The following ZFHX3 variants were observed in gnomAD, a reference collection of about 807,000 sequenced individuals.
The protein encoded by ZFHX3 is zinc finger homeobox 3, also known as zinc finger homeobox protein 3.
In ZFHX3, 42 loss-of-function variants were observed where a neutral mutation model predicts 279.1. The ratio of observed to expected loss-of-function variants is 0.15; its 90% CI spans 0.12 to 0.19. The LOEUF is 0.19. Ranked by LOEUF, ZFHX3 falls within the 10% of genes least tolerant of loss-of-function variation. The pLI, the probability that ZFHX3 is intolerant of heterozygous loss-of-function variation, is 1.00. For synonymous variants in ZFHX3, 2,293 were observed against 1,957.8 expected (o/e 1.17, Z -4.52); for missense variants, 4,981 against 4,754.0 (o/e 1.05, Z -1.40).
At chr16:73,252,431 T>C (rs1427690414) in intron 5 of ZFHX3, among the ~76,000 whole-genome samples, 1 of 152,134 alleles carries the variant, frequency 6.6e-6, no homozygotes. Flanking sequence ...TCAAGTTGAC[T>C]GCAAGAGTTT....
intron 3 of ZFHX3, among the ~76,000 whole-genome samples, chr16:73,449,993 T>C (rs1221968688): frequency 1.3e-5 from 2 of 152,224 alleles, no homozygotes; most frequent in African/African-American, 4.8e-5. Flanking sequence ...ACTTCTGATA[T>C]TTGTCATGCA....
chr16:73,392,418 CAA>C (rs35019692), intron 3 of ZFHX3, among the ~76,000 whole-genome samples: 885 of 35,670 alleles, frequency 0.025, 3 homozygotes, highest in African/African-American at 0.099. Context: ...GACCCTGTCT[CAA>C]AAAAAAAAAA....
intron 4 of ZFHX3, among the ~76,000 whole-genome samples, chr16:72,830,693 G>C (rs372959360): frequency 6.6e-6 from 1 of 152,218 alleles, no homozygotes; most frequent in Non-Finnish European, 1.5e-5. Context: ...AAGTGGGGAA[G>C]AAGAGAATAA....
chr16:72,889,647 C>T (rs1355390233), intron 4 of ZFHX3, 84 bp downstream of exon 4: 7 of 1,330,162 alleles, frequency 5.3e-6, no homozygotes, highest in East Asian at 2.4e-5. Flanking sequence ...GTAACGTCTC[C>T]CTCAAACAGA....
chr16:72,891,069 A>C, intron 3 of ZFHX3, among the ~76,000 whole-genome samples: 1 of 152,192 alleles, frequency 6.6e-6, no homozygotes, highest in East Asian at 1.9e-4. Context: ...TGTATTTAAA[A>C]CCACAGTCTA....
At chr16:73,744,529 C>T (rs1240279908) in intron 1 of ZFHX3, among the ~76,000 whole-genome samples, 3 of 152,176 alleles carry the variant, frequency 2.0e-5, no homozygotes, top group Non-Finnish European at 4.4e-5. Flanking sequence ...ACAGGTATAA[C>T]AGTGTGATGT....
chr16:72,802,402 T>C (rs1489601957), intron 7 of ZFHX3, among the ~76,000 whole-genome samples: 1 of 152,216 alleles, frequency 6.6e-6, no homozygotes, highest in African/African-American at 2.4e-5. Flanking sequence ...CTTCCATCAA[T>C]TAACTCTCCC....
intron 4 of ZFHX3, among the ~76,000 whole-genome samples, chr16:72,845,846 G>A (rs549809961): frequency 6.6e-6 from 1 of 152,328 alleles, no homozygotes; most frequent in South Asian, 2.1e-4. Context: ...ATAGTATTAG[G>A]ACTCTCATTT....
chr16:73,245,614 T>C (rs1237431148), intron 5 of ZFHX3, among the ~76,000 whole-genome samples: 1 of 152,222 alleles, frequency 6.6e-6, no homozygotes, highest in African/African-American at 2.4e-5. Context: ...AGGATGTTGT[T>C]CCAAAGACGT....
At chr16:73,508,953 T>C (rs1270410599) in intron 2 of ZFHX3, among the ~76,000 whole-genome samples, 2 of 152,200 alleles carry the variant, frequency 1.3e-5, no homozygotes, top group Non-Finnish European at 2.9e-5. Flanking sequence ...CAAATATTAA[T>C]ACTTAAGGCA....
chr16:73,887,798 A>G (rs2030397452), intron 1 of ZFHX3, among the ~76,000 whole-genome samples: 1 of 152,202 alleles, frequency 6.6e-6, no homozygotes. Context: ...AATCACTTAG[A>G]AATTCGTGTT....
At chr16:72,813,861 C>T (rs562174042) in intron 5 of ZFHX3, among the ~76,000 whole-genome samples, 1 of 152,190 alleles carries the variant, frequency 6.6e-6, no homozygotes, top group Non-Finnish European at 1.5e-5. Flanking sequence ...CAGACCTGAT[C>T]CTATGGAACG....
intron 3 of ZFHX3, among the ~76,000 whole-genome samples, chr16:73,362,267 C>A (rs762267633): frequency 6.6e-6 from 1 of 152,170 alleles, no homozygotes; most frequent in African/African-American, 2.4e-5. Flanking sequence ...AGTTTGCAAA[C>A]GGGACATGGG....
intron 1 of ZFHX3, among the ~76,000 whole-genome samples, chr16:73,806,640 C>A (rs1200443018): frequency 6.6e-6 from 1 of 152,174 alleles, no homozygotes; most frequent in African/African-American, 2.4e-5. Flanking sequence ...AATGTGCCAT[C>A]CCATGCTAAG....
intron 3 of ZFHX3, among the ~76,000 whole-genome samples, chr16:73,318,972 C>G (rs2015513946): frequency 6.6e-6 from 1 of 152,040 alleles, no homozygotes; most frequent in African/African-American, 2.4e-5. Flanking sequence ...GCTATTCACC[C>G]CACCCCACAC....
At chr16:73,685,794 C>CA (rs1361185768) in intron 1 of ZFHX3, among the ~76,000 whole-genome samples, 1 of 152,200 alleles carries the variant, frequency 6.6e-6, no homozygotes, top group African/African-American at 2.4e-5. Context: ...AGGCTGAGAG[C>CA]AAACAGCAAA....
intron 1 of ZFHX3, among the ~76,000 whole-genome samples, chr16:73,033,514 G>C (rs1254229761): frequency 6.6e-6 from 1 of 151,750 alleles, no homozygotes; most frequent in Admixed American, 6.5e-5. Context: ...TTGACTGGGG[G>C]GAAAGGGGGC....
chr16:73,478,348 C>CA (rs2018803476), intron 2 of ZFHX3, among the ~76,000 whole-genome samples: 1 of 151,944 alleles, frequency 6.6e-6, no homozygotes, highest in Non-Finnish European at 1.5e-5. Flanking sequence ...CCTGGACCCT[C>CA]AGATTAAAAG....
chr16:72,872,927 A>C (rs558137356), intron 4 of ZFHX3, among the ~76,000 whole-genome samples: 1 of 152,292 alleles, frequency 6.6e-6, no homozygotes, highest in African/African-American at 2.4e-5. Flanking sequence ...TGGCCTGCTC[A>C]TTGGCTCCCG....
Sources: allele counts gnomAD v4.1 joint callset (sites outside exome capture counted in the v4.1 genomes callset), GRCh38; gene constraint gnomAD v4.1.1; transcripts MANE v1.5; gene names NCBI Gene and HGNC (gene_info 2026-07-23, HGNC 2026-07-21).